The following PDCD6IP variants were observed in gnomAD, a reference collection of about 807,000 sequenced individuals.
PDCD6IP encodes the protein programmed cell death 6-interacting protein.
A neutral mutation model predicts 103.7 loss-of-function variants in PDCD6IP; 43 were observed. The ratio of observed to expected loss-of-function variants is 0.41; its 90% CI spans 0.32 to 0.53. The LOEUF is 0.53. Among genes scored for constraint, PDCD6IP ranks in the 20% least tolerant of loss-of-function variants. The pLI, the probability that PDCD6IP is intolerant of heterozygous loss-of-function variation, is 0.16. For missense variants in PDCD6IP, 871 were observed against 1,036.7 expected (o/e 0.84, Z 2.20); for synonymous variants, 354 against 378.7 (o/e 0.93, Z 0.76).
At position 33,857,523 on chromosome 3, in the gene PDCD6IP, A is replaced by G. The variant is rs148286132; in HGVS notation, c.2120+2263A>G. On this transcript the variant is annotated intron_variant, in intron 15 of 17. Coordinates refer to ENST00000307296, the MANE Select transcript of PDCD6IP (RefSeq NM_013374.6). Reference sequence around the variant, plus strand: ...AACCTAACAAAGATTAATACAAAACAGTCTACAGACCAGTTTCAGTTATGA... The same window carrying G: ...AACCTAACAAAGATTAATACAAAACGGTCTACAGACCAGTTTCAGTTATGA... Among the ~76,000 whole-genome samples, 26 of 152,370 alleles carry G rather than the reference A, an allele frequency of 1.7e-4. No individual in the cohort carries two copies. The East Asian group carries it at 5.0e-3, about 29-fold the overall frequency.
intron 1 of PDCD6IP, among the ~76,000 whole-genome samples, chr3:33,806,631 C>G (rs751027692): frequency 1.3e-5 from 2 of 152,180 alleles, no homozygotes; most frequent in Non-Finnish European, 2.9e-5. Context: ...AACTTGCAGC[C>G]TAGGTCTACT....
intron 3 of PDCD6IP, among the ~76,000 whole-genome samples, chr3:33,818,428 G>C (rs1243802962): frequency 2.7e-5 from 4 of 147,270 alleles, no homozygotes; most frequent in Admixed American, 2.0e-4. Flanking sequence ...TTTGTTCCTT[G>C]CTCTCTCCTG....
At chr3:33,825,854 G>A (rs185247181) in intron 5 of PDCD6IP, among the ~76,000 whole-genome samples, 1 of 152,258 alleles carries the variant, frequency 6.6e-6, no homozygotes, top group East Asian at 1.9e-4. Context: ...TAGGGATATA[G>A]GGGAAGCTGG....
At chr3:33,831,971 T>C (rs1286694886) in intron 7 of PDCD6IP, among the ~76,000 whole-genome samples, 1 of 152,206 alleles carries the variant, frequency 6.6e-6, no homozygotes, top group Non-Finnish European at 1.5e-5. Context: ...TGCTGTCTCC[T>C]GTTGCTGGAT....
Position 33,844,113 on chromosome 3 carries a change from C to G in PDCD6IP, c.1361C>G (p.Ser454Ter). 1 of 1,582,964 alleles carries G rather than the reference C, an allele frequency of 6.3e-7. No homozygotes were observed. Among genetic ancestry groups the G allele is most frequent in the Non-Finnish European group, 8.6e-7 (1 of 1,165,932 alleles). Residue 454 changes from serine to a stop codon, truncating the protein, a stop_gained and splice_region_variant, in exon 11 of 18, where the codon TCA becomes TGA. Transcript: ENST00000307296. LOFTEE classifies it high-confidence loss of function. ...GGTTCTTTTTGCTTCCTTTTAAAGT[C>G]ATTAAGGTTGTTGGATGAAGAAGAA... ...LQRNREILDE[S>*]LRLLDEEEAT...
intron 10 of PDCD6IP, among the ~76,000 whole-genome samples, chr3:33,843,845 T>C (rs773881763): frequency 2.0e-5 from 3 of 151,758 alleles, no homozygotes; most frequent in Non-Finnish European, 2.9e-5. Flanking sequence ...TAAATTGATA[T>C]ATGGATGTAA....
rs180954279 is a variant in PDCD6IP at position 33,859,780 on chromosome 3, A to G, written c.2121-4226A>G. On this transcript the variant is annotated intron_variant, in intron 15 of 17. Transcript: ENST00000307296. ...CATTTTAGCTGTAAAGAATAATAAG[A>G]CTGCAAATTCAAACATCCTTTAATC... Among the ~76,000 whole-genome samples the G allele has an allele frequency of 3.8e-4, 58 of 152,330 alleles. No homozygotes were observed. In the South Asian group the frequency reaches 0.011, roughly 30 times the overall value.
intron 9 of PDCD6IP, among the ~76,000 whole-genome samples, chr3:33,840,928 T>G (rs1697453486): frequency 6.6e-6 from 1 of 152,164 alleles, no homozygotes; most frequent in African/African-American, 2.4e-5. Context: ...TAGGATAGAA[T>G]TTTTGACTTT....
chr3:33,852,650 A>G lies in PDCD6IP; in HGVS notation c.1804A>G (p.Thr602Ala). The change falls in exon 13 of 18, where the codon ACT becomes GCT. Residue 602 changes from threonine to alanine, a missense_variant. Thr to Ala is a moderately conservative substitution (Grantham distance 58). This residue lies in a region of PDCD6IP where 266 missense variants were observed against 390.5 expected (regional missense o/e 0.68). Coordinates refer to ENST00000307296, the MANE Select transcript of PDCD6IP (RefSeq NM_013374.6). Reference sequence around the variant, plus strand: ...GATAAATGAAGAAGCTCTTTCTGTTACTGAACTAGATCGAGTCTATGGAGG... The same window carrying G: ...GATAAATGAAGAAGCTCTTTCTGTTGCTGAACTAGATCGAGTCTATGGAGG... Reference protein sequence around the residue: ...GVINEEALSVTELDRVYGGLT... With the variant: ...GVINEEALSVAELDRVYGGLT... 6.2e-7 allele frequency: 1 copy of G among 1,600,620 alleles called. No homozygotes were observed. The highest frequency in any genetic ancestry group is 2.2e-5 in the East Asian group (1 of 44,766).
chr3:33,822,369 A>T (rs1288293540), intron 4 of PDCD6IP, among the ~76,000 whole-genome samples: 1 of 152,222 alleles, frequency 6.6e-6, no homozygotes, highest in Admixed American at 6.5e-5. Context: ...CTGAGATTTC[A>T]TCTCAGGCAT....
intron 15 of PDCD6IP, among the ~76,000 whole-genome samples, chr3:33,859,664 A>C (rs765004817): frequency 4.6e-5 from 7 of 152,222 alleles, no homozygotes; most frequent in Admixed American, 6.5e-5. Flanking sequence ...AGAATCTGAA[A>C]GTTTGATAAT....
chr3:33,826,642 TG>T, intron 6 of PDCD6IP, 62 bp downstream of exon 6: 1 of 1,595,676 alleles, frequency 6.3e-7, no homozygotes, highest in Non-Finnish European at 8.6e-7. Flanking sequence ...GACTTTTTTG[TG>T]TATAAGAAGC....
At chr3:33,802,121 G>C (rs920668839) in intron 1 of PDCD6IP, among the ~76,000 whole-genome samples, 1 of 152,180 alleles carries the variant, frequency 6.6e-6, no homozygotes, top group African/African-American at 2.4e-5. Context: ...TTGGGGCTCA[G>C]ATTCCTTTCA....
At chr3:33,860,930 A>G (rs1697937010) in intron 15 of PDCD6IP, among the ~76,000 whole-genome samples, 1 of 152,116 alleles carries the variant, frequency 6.6e-6, no homozygotes, top group South Asian at 2.1e-4. Context: ...AAATAAAACT[A>G]CATCTATATG....
chr3:33,813,292 G>A (rs9857424), intron 2 of PDCD6IP: 78,580 of 269,538 alleles, frequency 0.29, 12,007 homozygotes, highest in Admixed American at 0.4. Flanking sequence ...TTGTTCCGTT[G>A]AAGTCATTGT....
At chr3:33,803,022 T>C (rs1441957523) in intron 1 of PDCD6IP, among the ~76,000 whole-genome samples, 1 of 152,224 alleles carries the variant, frequency 6.6e-6, no homozygotes, top group Non-Finnish European at 1.5e-5. Context: ...GCTTTCTCTT[T>C]TTCATTCACT....
chr3:33,800,515 G>A (rs1664044545), intron 1 of PDCD6IP, among the ~76,000 whole-genome samples: 1 of 152,120 alleles, frequency 6.6e-6, no homozygotes, highest in African/African-American at 2.4e-5. Context: ...CGAAGGAAGG[G>A]GTACTGAATA....
chr3:33,818,540 T>C (rs1381209507), intron 3 of PDCD6IP, among the ~76,000 whole-genome samples: 1 of 113,140 alleles, frequency 8.8e-6, no homozygotes, highest in Non-Finnish European at 1.8e-5. Flanking sequence ...TTTTTTTTGA[T>C]AGGGAGTCTC....
chr3:33,824,875 CCG>C lies in PDCD6IP; in HGVS notation c.463-310_463-309del, dbSNP rs1421743790. ...ACTAAAAATATTTTAATGTTTATCC[CCG>C]CCTCTATTCTCATGTTAATTTTGAG... On this transcript the variant is annotated intron_variant, in intron 4 of 17. Transcript: ENST00000307296. 3.3e-5 allele frequency among the ~76,000 whole-genome samples: 5 copies of C among 152,250 alleles called. No individual in the cohort carries two copies. In the East Asian group the frequency reaches 7.7e-4, roughly 23 times the overall value.
Sources: gnomAD v4.1 joint callset for allele counts (sites outside exome capture counted in the v4.1 genomes callset) on GRCh38, gnomAD v4.1.1 for gene constraint, gnomAD v4.1.1 regional missense constraint, MANE v1.5 for transcripts, NCBI Gene and HGNC (gene_info 2026-07-23, HGNC 2026-07-21) for gene names.